PTPRQ: variants seen among roughly 807,000 people sequenced by gnomAD.
PTPRQ encodes the protein protein tyrosine phosphatase receptor type Q.
PTPRQ carries 199 observed loss-of-function variants against 246.0 expected under a neutral mutation model. The observed-to-expected ratio is 0.81, with a 90% CI of 0.72 to 0.91. The LOEUF (loss-of-function observed/expected upper bound fraction) is 0.91. Ranked by LOEUF, PTPRQ falls within the 40% of genes least tolerant of loss-of-function variation. The pLI, the probability that PTPRQ is intolerant of heterozygous loss-of-function variation, is 0.00. For missense variants in PTPRQ, 2,624 were observed against 2,528.4 expected, an observed-to-expected ratio of 1.04 and a Z score of -0.81; for synonymous variants, 869 against 853.2, an observed-to-expected ratio of 1.02 and a Z score of -0.32.
intron 37 of PTPRQ, 99 bp from the exon 38 acceptor site, chr12:80,652,645 A>G: frequency 8.1e-7 from 1 of 1,241,804 alleles, no homozygotes; most frequent in South Asian, 2.0e-5. Context: ...TAATTTAAAA[A>G]TTAAAAAAAA....
At chr12:80,459,034 T>G (rs11114456) in intron 4 of PTPRQ, among the ~76,000 whole-genome samples, 44,502 of 151,984 alleles carry the variant, frequency 0.29, 6,888 homozygotes, top group African/African-American at 0.36. Flanking sequence ...TGATTGAATT[T>G]TTTTCATACT....
chr12:80,590,680 A>G (rs991479061), intron 26 of PTPRQ, among the ~76,000 whole-genome samples: 3 of 151,328 alleles, frequency 2.0e-5, no homozygotes, highest in African/African-American at 7.3e-5. Context: ...AAAAAAAAAA[A>G]AAAAAAAAAA....
At chr12:80,494,460 A>T (rs529362482) in intron 10 of PTPRQ, among the ~76,000 whole-genome samples, 1 of 151,950 alleles carries the variant, frequency 6.6e-6, no homozygotes, top group African/African-American at 2.4e-5. Context: ...TATTTATTTA[A>T]CTCTTTTACT....
chr12:80,629,469 G>A (rs868127593), intron 33 of PTPRQ, among the ~76,000 whole-genome samples: 1 of 152,162 alleles, frequency 6.6e-6, no homozygotes, highest in African/African-American at 2.4e-5. Flanking sequence ...TGCAGGCAGA[G>A]GAAGAAGCTG....
At chr12:80,490,198 A>C (rs944746961) in intron 9 of PTPRQ, among the ~76,000 whole-genome samples, 1 of 152,006 alleles carries the variant, frequency 6.6e-6, no homozygotes, top group Non-Finnish European at 1.5e-5. Context: ...CTAATTAAAA[A>C]AATTTTTCTT....
At chr12:80,542,003 A>AAAATCAAAT (rs1231430250) in intron 21 of PTPRQ, 86 bp from the exon 22 acceptor site, 11 of 1,489,470 alleles carry the variant, frequency 7.4e-6, no homozygotes, top group Non-Finnish European at 9.8e-6. Flanking sequence ...ATCTGCTAAG[A>AAAATCAAAT]AAATCAAATC....
At chr12:80,668,625 A>G (rs1900863489) in intron 39 of PTPRQ, among the ~76,000 whole-genome samples, 1 of 151,924 alleles carries the variant, frequency 6.6e-6, no homozygotes. Context: ...ATCTTCATCT[A>G]TAAAATGAGC....
intron 33 of PTPRQ, among the ~76,000 whole-genome samples, chr12:80,628,188 C>T (rs561353658): frequency 2.6e-5 from 4 of 151,980 alleles, no homozygotes; most frequent in Admixed American, 6.6e-5. Context: ...TCAAACCGTT[C>T]GTATTTTAAT....
intron 19 of PTPRQ, 50 bp from the exon 20 acceptor site, chr12:80,539,726 A>C: frequency 6.9e-7 from 1 of 1,454,424 alleles, no homozygotes; most frequent in South Asian, 1.4e-5. Flanking sequence ...TGAAGTGTTC[A>C]TGCATACTAA....
intron 36 of PTPRQ, 79 bp downstream of exon 36, chr12:80,649,002 G>A: frequency 1.5e-6 from 2 of 1,335,500 alleles, no homozygotes; most frequent in Non-Finnish European, 9.9e-7. Flanking sequence ...CTTAATGTGT[G>A]ATTCACTTTT....
At position 80,609,470 on chromosome 12, in the gene PTPRQ, T is replaced by C. The variant is rs145271175; in HGVS notation, c.4732-969T>C. 7.1e-3 allele frequency among the ~76,000 whole-genome samples: 1,077 copies of C among 150,734 alleles called. 19 individuals carry two copies. The highest frequency in any genetic ancestry group is 0.024 in the African/African-American group (993 of 41,380). On this transcript the variant is annotated intron_variant, in intron 27 of 44. Transcript: ENST00000644991. ...TCAATTAAGATACCTGAAAGTAGTA[T>C]GTATGATAGGATTTTGAATTTTCTC... is the stretch of plus-strand genomic sequence containing the variant.
intron 3 of PTPRQ, chr12:80,454,532 C>A: frequency 1.4e-6 from 1 of 702,376 alleles, no homozygotes; most frequent in Non-Finnish European, 2.6e-6. Context: ...GAGTAGACAT[C>A]CTACTTTTGT....
rs1464248158 is a variant in PTPRQ, at chr12:80,471,553, C to T, written c.1040-552C>T. Among the ~76,000 whole-genome samples, 2 of 43,050 alleles carry T rather than the reference C, an allele frequency of 4.6e-5. 1 individual carries two copies. The highest frequency in any genetic ancestry group is 8.9e-5 in the Non-Finnish European group (2 of 22,530). 28.2% of individuals were successfully genotyped at this position (43,050 alleles called of 152,430 possible). A position where few individuals can be genotyped will look rare whatever the true frequency, so the allele number is the denominator to read the frequency against. On this transcript the variant is annotated intron_variant, in intron 7 of 44. Coordinates refer to ENST00000644991, the MANE Select transcript of PTPRQ (RefSeq NM_001145026.2). ...AGTGCAGTGGCGGGATCTCGGCTCA[C>T]TGCAAGCTCCGCCTCCCGGGTTCAC...
chr12:80,541,647 C>T lies in PTPRQ; in HGVS notation c.3247C>T (p.Leu1083=), dbSNP rs1485574265. The T allele has an allele frequency of 1.9e-6, 3 of 1,550,960 alleles. No homozygotes were observed. Among genetic ancestry groups the T allele is most frequent in the Admixed American group, 2.0e-5 (1 of 50,964 alleles). Residue 1083 remains leucine (L), a synonymous_variant, in exon 21 of 45, where the codon CTA becomes TTA. Coordinates refer to ENST00000644991, the MANE Select transcript of PTPRQ (RefSeq NM_001145026.2). ...GGTCCCACCGGCTCAACCAAACGGT[C>T]TAGTCTTCTACTATGTTTCACTGAT... ...SWVPPAQPNG[L]VFYYVSLILQ... is the part of the protein sequence containing the mutation.
intron 3 of PTPRQ, among the ~76,000 whole-genome samples, chr12:80,449,328 C>T (rs1428824291): frequency 6.6e-6 from 1 of 152,024 alleles, no homozygotes; most frequent in Non-Finnish European, 1.5e-5. Context: ...TTTGGGTTGC[C>T]TGTTCACTCT....
intron 8 of PTPRQ, among the ~76,000 whole-genome samples, chr12:80,478,793 G>A (rs1169155628): frequency 6.6e-6 from 1 of 152,140 alleles, no homozygotes; most frequent in Non-Finnish European, 1.5e-5. Context: ...AAGATGAAGT[G>A]AATGAAACGA....
rs193087323 is a variant in PTPRQ, at chr12:80,563,891, A to T, written c.4285+14157A>T. ...CGGTGCCTTATTACTGCTAAGAGAG[A>T]GAAGAAGACTAGGCTCTGTATTCAA... On this transcript the variant is annotated intron_variant, in intron 25 of 44. Coordinates refer to ENST00000644991, the MANE Select transcript of PTPRQ (RefSeq NM_001145026.2). 3.4e-4 allele frequency among the ~76,000 whole-genome samples: 52 copies of T among 152,160 alleles called. 1 individual carries two copies. The highest frequency in any genetic ancestry group is 1.2e-3 in the African/African-American group (49 of 41,528).
At chr12:80,623,449 T>G (rs1191880363) in intron 33 of PTPRQ, among the ~76,000 whole-genome samples, 1 of 152,164 alleles carries the variant, frequency 6.6e-6, no homozygotes, top group African/African-American at 2.4e-5. Flanking sequence ...AGTTTTGTGG[T>G]TTTGAAATTG....
chr12:80,526,334 C>G (rs1895684942), intron 17 of PTPRQ, among the ~76,000 whole-genome samples: 1 of 152,046 alleles, frequency 6.6e-6, no homozygotes. Flanking sequence ...CATTGGAATT[C>G]CAGAAACTTT....
Sources: allele counts gnomAD v4.1 joint callset (sites outside exome capture counted in the v4.1 genomes callset), GRCh38; gene constraint gnomAD v4.1.1; transcripts MANE v1.5; gene names NCBI Gene and HGNC (gene_info 2026-07-23, HGNC 2026-07-21).